The following UHRF1 variants were observed in gnomAD, a reference collection of about 807,000 sequenced individuals.
UHRF1 encodes the protein ubiquitin like with PHD and ring finger domains 1.
In UHRF1, 9 loss-of-function variants were observed where a neutral mutation model predicts 96.5. That is an observed-to-expected ratio of 0.09 (90% CI 0.06 to 0.16). The LOEUF is 0.16. Ranked by LOEUF, UHRF1 falls within the 10% of genes least tolerant of loss-of-function variation. The pLI, the probability that UHRF1 is intolerant of heterozygous loss-of-function variation, is 1.00. For synonymous variants in UHRF1, 455 were observed against 469.9 expected, an observed-to-expected ratio of 0.97 and a Z score of 0.41; for missense variants, 626 against 1,131.1, an observed-to-expected ratio of 0.55 and a Z score of 6.40.
At chr19:4,946,907 CTGTT>C (rs1264827629) in intron 10 of UHRF1, among the ~76,000 whole-genome samples, 194 bp from the exon 11 acceptor site, 2 of 152,046 alleles carry the variant, frequency 1.3e-5, no homozygotes, top group East Asian at 3.9e-4. Context: ...ACGCACCACA[CTGTT>C]TGTATAGTCG....
chr19:4,948,438 G>T (rs1216661008), intron 11 of UHRF1, among the ~76,000 whole-genome samples: 1 of 152,126 alleles, frequency 6.6e-6, no homozygotes, highest in Non-Finnish European at 1.5e-5. Context: ...TGACTAGGAG[G>T]AGTTCTTGAC....
intron 2 of UHRF1, among the ~76,000 whole-genome samples, chr19:4,916,449 C>T (rs1369448982): frequency 4.6e-5 from 7 of 152,152 alleles, no homozygotes; most frequent in Non-Finnish European, 2.9e-5. Context: ...CTCCTGAGAC[C>T]GCAAGAGGGA....
At chr19:4,947,382 C>T (rs555777691) in intron 11 of UHRF1, among the ~76,000 whole-genome samples, 171 bp downstream of exon 11, 3 of 149,478 alleles carry the variant, frequency 2.0e-5, no homozygotes, top group South Asian at 2.2e-4. Flanking sequence ...GGATTACAGG[C>T]GTGAGCCACT....
At chr19:4,960,105 G>A (rs573520416) in intron 16 of UHRF1, among the ~76,000 whole-genome samples, 63 of 152,162 alleles carry the variant, frequency 4.1e-4, no homozygotes, top group Middle Eastern at 3.4e-3. Flanking sequence ...TGCCCCCCTC[G>A]GCCTCCCAGA....
At chr19:4,926,598 C>T (rs1333496706) in intron 2 of UHRF1, among the ~76,000 whole-genome samples, 1 of 152,012 alleles carries the variant, frequency 6.6e-6, no homozygotes, top group Non-Finnish European at 1.5e-5. Flanking sequence ...AGCAGCAAGA[C>T]CTCATCTCTA....
chr19:4,950,851 C>G lies in UHRF1; in HGVS notation c.1681-8C>G. ...GATGGAGCTGACGCTGATGCCCGCTCTCTGCAGGTTGTGAAATACTGGCCC... is the reference window on the plus strand; with the variant it reads ...GATGGAGCTGACGCTGATGCCCGCTGTCTGCAGGTTGTGAAATACTGGCCC... On this transcript the variant is annotated splice_polypyrimidine_tract_variant and splice_region_variant and intron_variant, in intron 12 of 16. Coordinates refer to ENST00000650932, the MANE Select transcript of UHRF1 (RefSeq NM_001048201.3). 2 of 1,613,982 alleles carry G rather than the reference C, an allele frequency of 1.2e-6. No individual in the cohort carries two copies. The highest frequency in any genetic ancestry group is 1.7e-6 in the Non-Finnish European group (2 of 1,179,896).
At chr19:4,909,996 T>C (rs1599232454) in intron 1 of UHRF1, 1 of 181,898 alleles carries the variant, frequency 5.5e-6, no homozygotes, top group Non-Finnish European at 1.1e-5. Flanking sequence ...TCGCGCGCCC[T>C]GAGTTCCCCG....
At chr19:4,918,539 C>G (rs749860060) in intron 2 of UHRF1, among the ~76,000 whole-genome samples, 1 of 151,682 alleles carries the variant, frequency 6.6e-6, no homozygotes, top group Non-Finnish European at 1.5e-5. Flanking sequence ...GTCAGCCTCC[C>G]GAGTAGCTGG....
intron 13 of UHRF1, among the ~76,000 whole-genome samples, chr19:4,952,748 G>A (rs1348648908): frequency 6.6e-6 from 1 of 151,646 alleles, no homozygotes; most frequent in Non-Finnish European, 1.5e-5. Context: ...GGAGCTCAAA[G>A]ATTTCCTGAG....
intron 5 of UHRF1, among the ~76,000 whole-genome samples, chr19:4,938,662 G>T (rs2033286530): frequency 6.8e-6 from 1 of 148,038 alleles, no homozygotes; most frequent in East Asian, 2.0e-4. Context: ...ACTCGTCTCG[G>T]CCTCTCAAAG....
At chr19:4,933,009 G>A (rs1038857425) in intron 5 of UHRF1, 53 bp downstream of exon 5, 50 of 1,520,298 alleles carry the variant, frequency 3.3e-5, no homozygotes, top group Non-Finnish European at 4.2e-5. Flanking sequence ...CTCCCCTCCC[G>A]GGGCCCCCGG....
At chr19:4,913,807 CTTTTTTTTTT>C (rs11341952) in intron 2 of UHRF1, among the ~76,000 whole-genome samples, 5 of 110,136 alleles carry the variant, frequency 4.5e-5, no homozygotes, top group Non-Finnish European at 7.0e-5. Flanking sequence ...CATGCAGTAG[CTTTTTTTTTT>C]TTTTTTTTTT....
intron 5 of UHRF1, among the ~76,000 whole-genome samples, chr19:4,934,743 C>G (rs2033167284): frequency 6.6e-6 from 1 of 152,128 alleles, no homozygotes; most frequent in African/African-American, 2.4e-5. Context: ...AGGTCCTGGG[C>G]TGGGACATTT....
chr19:4,912,161 C>T (rs1046526792), intron 2 of UHRF1, among the ~76,000 whole-genome samples: 3 of 152,160 alleles, frequency 2.0e-5, no homozygotes, highest in Admixed American at 6.6e-5. Flanking sequence ...ACCCGCCCTG[C>T]CCCGGGAGGA....
chr19:4,953,680 G>T (rs1007722260), intron 13 of UHRF1, among the ~76,000 whole-genome samples: 6 of 151,854 alleles, frequency 4.0e-5, no homozygotes, highest in Non-Finnish European at 7.4e-5. Flanking sequence ...TGCCCAGGCT[G>T]GTCTCAAACT....
rs17883616 is a variant in UHRF1 at position 4,948,398 on chromosome 19, A to G, written c.1517+1187A>G. On this transcript the variant is annotated intron_variant, in intron 11 of 16. Transcript: ENST00000650932. ...TATCTAAACATTATAAATATATTAC[A>G]TAAATAAATCCTATAAATTAAAAGG... 3.2e-3 allele frequency among the ~76,000 whole-genome samples: 480 copies of G among 152,300 alleles called. 3 individuals carry two copies. The highest frequency in any genetic ancestry group is 0.011 in the African/African-American group (446 of 41,580).
chr19:4,948,486 C>T (rs1430919909), intron 11 of UHRF1, among the ~76,000 whole-genome samples: 1 of 152,152 alleles, frequency 6.6e-6, no homozygotes, highest in Admixed American at 6.6e-5. Context: ...ATATAAAGAG[C>T]TGTTGCAAAT....
intron 11 of UHRF1, 143 bp downstream of exon 11, chr19:4,947,354 C>G (rs1204480889): frequency 2.6e-6 from 2 of 759,946 alleles, no homozygotes; most frequent in East Asian, 2.7e-5. Flanking sequence ...GTTCCTCCCT[C>G]TGTCTCCCAA....
rs1210526225 is a variant in UHRF1, at chr19:4,961,705, C to G, written c.*902C>G. 6.7e-6 allele frequency: 1 copy of G among 149,328 alleles called. No individual in the cohort carries two copies. The highest frequency in any genetic ancestry group is 1.5e-5 in the Non-Finnish European group (1 of 66,904). The allele number at this position is 149,328 out of a possible 1,614,324, so 9.3% of individuals were successfully genotyped here. Reference sequence around the variant, plus strand: ...TGACACCGGATGGGTGCTTGGGAACCGTTTGAGCCTTATAGATCATTTACA... The same window carrying G: ...TGACACCGGATGGGTGCTTGGGAACGGTTTGAGCCTTATAGATCATTTACA... On this transcript the variant is annotated 3_prime_UTR_variant, in exon 17 of 17. Coordinates refer to ENST00000650932, the MANE Select transcript of UHRF1 (RefSeq NM_001048201.3).
Sources: gnomAD v4.1 joint callset for allele counts (sites outside exome capture counted in the v4.1 genomes callset) on GRCh38, gnomAD v4.1.1 for gene constraint, MANE v1.5 for transcripts, NCBI Gene and HGNC (gene_info 2026-07-23, HGNC 2026-07-21) for gene names.